PRPSAP2: variants seen among roughly 807,000 people sequenced by gnomAD.
PRPSAP2 encodes phosphoribosyl pyrophosphate synthetase associated protein 2.
In PRPSAP2, 24 loss-of-function variants were observed where a neutral mutation model predicts 40.6. The observed-to-expected ratio is 0.59, with a 90% CI of 0.43 to 0.83. The LOEUF (loss-of-function observed/expected upper bound fraction) is 0.83. Among genes scored for constraint, PRPSAP2 ranks in the 40% least tolerant of loss-of-function variants. PRPSAP2 has a pLI of 0.00. For synonymous variants in PRPSAP2, 149 were observed against 164.7 expected (o/e 0.90, Z 0.73); for missense variants, 292 against 465.6 (o/e 0.63, Z 3.43).
chr17:18,902,481 C>T (rs1457285835), intron 8 of PRPSAP2, among the ~76,000 whole-genome samples: 1 of 151,278 alleles, frequency 6.6e-6, no homozygotes, highest in Non-Finnish European at 1.5e-5. Flanking sequence ...AAGGTAGTTC[C>T]ACCAAATGTT....
intron 9 of PRPSAP2, among the ~76,000 whole-genome samples, chr17:18,918,540 T>A (rs769726639): frequency 1.3e-5 from 2 of 152,192 alleles, no homozygotes; most frequent in Non-Finnish European, 2.9e-5. Context: ...GGACTTTGAA[T>A]ACCAGTAAAT....
intron 6 of PRPSAP2, among the ~76,000 whole-genome samples, chr17:18,878,370 ACCGTGCCTG>A (rs957641828): frequency 3.9e-5 from 6 of 152,238 alleles, no homozygotes; most frequent in African/African-American, 1.4e-4. Flanking sequence ...GACATATACC[ACCGTGCCTG>A]CCTAGATAGG....
At chr17:18,870,030 G>T (rs1401733149) in intron 4 of PRPSAP2, among the ~76,000 whole-genome samples, 1 of 151,888 alleles carries the variant, frequency 6.6e-6, no homozygotes, top group Non-Finnish European at 1.5e-5. Context: ...TGTGTTGTTG[G>T]TGGAGACGGG....
At chr17:18,881,428 A>T (rs1435197709) in intron 6 of PRPSAP2, among the ~76,000 whole-genome samples, 3 of 136,160 alleles carry the variant, frequency 2.2e-5, no homozygotes, top group East Asian at 2.3e-4. Flanking sequence ...AGTAGAGATG[A>T]GGTTTCGCCA....
intron 8 of PRPSAP2, among the ~76,000 whole-genome samples, chr17:18,901,179 C>T (rs1337481889): frequency 6.6e-6 from 1 of 152,130 alleles, no homozygotes; most frequent in Admixed American, 6.5e-5. Context: ...CTAGGTTGCC[C>T]TTTTCTTAGT....
At chr17:18,873,285 C>T (rs945149801) in intron 5 of PRPSAP2, among the ~76,000 whole-genome samples, 8 of 148,166 alleles carry the variant, frequency 5.4e-5, no homozygotes, top group Non-Finnish European at 1.0e-4. Flanking sequence ...CCTCAGCTTA[C>T]CGCAACCTCT....
rs1491163051 is a variant in PRPSAP2 at position 18,885,404 on chromosome 17, A to ACAC, written c.528+2721_528+2722insCAC. 2.0e-4 allele frequency among the ~76,000 whole-genome samples: 25 copies of ACAC among 122,996 alleles called. 1 individual carries two copies. The highest frequency in any genetic ancestry group is 7.0e-4 in the East Asian group (3 of 4,272). The allele number at this position is 122,996 out of a possible 152,430, so 80.7% of individuals were successfully genotyped here. On this transcript the variant is annotated intron_variant, in intron 7 of 11. Transcript: ENST00000268835. ...GCGACAGAGTGAGATTCCTTCTCACAAAAAAAAAAAAAAAAAAAAAAAAAA... is the reference window on the plus strand; with the variant it reads ...GCGACAGAGTGAGATTCCTTCTCACACACAAAAAAAAAAAAAAAAAAAAAAAAA...
rs190213119 is a variant in PRPSAP2, at chr17:18,911,949, G to A, written c.733+698G>A. On this transcript the variant is annotated intron_variant, in intron 9 of 11. Transcript: ENST00000268835. The surrounding 1 kb of genome is among the most constrained non-coding windows in gnomAD (Gnocchi z 4.5). ...TGTAATCCCAACACTTTGGGAGGCC[G>A]AGGCGGGTGAATCACCTGAGGTCAG... Among the ~76,000 whole-genome samples the A allele has an allele frequency of 1.2e-4, 19 of 152,272 alleles. 1 individual carries two copies. Among genetic ancestry groups the A allele is most frequent in the Non-Finnish European group, 7.4e-5 (5 of 68,022 alleles).
At chr17:18,867,409 A>G in intron 4 of PRPSAP2, 75 bp downstream of exon 4, 1 of 1,492,938 alleles carries the variant, frequency 6.7e-7, no homozygotes, top group Non-Finnish European at 9.3e-7. Flanking sequence ...TTCATCCTTT[A>G]CTATTGAAAC....
At chr17:18,887,416 T>G (rs1043640133) in intron 7 of PRPSAP2, among the ~76,000 whole-genome samples, 1 of 152,018 alleles carries the variant, frequency 6.6e-6, no homozygotes, top group Non-Finnish European at 1.5e-5. Flanking sequence ...TTTTGCATTT[T>G]TAGCAGCGAG....
intron 9 of PRPSAP2, among the ~76,000 whole-genome samples, chr17:18,912,796 T>C (rs1266197470): frequency 6.6e-6 from 1 of 152,054 alleles, no homozygotes; most frequent in East Asian, 1.9e-4. Context: ...GCGTTTTGGG[T>C]AGCCAAGGTG....
At chr17:18,907,895 G>A (rs1320124414) in intron 8 of PRPSAP2, among the ~76,000 whole-genome samples, 1 of 152,192 alleles carries the variant, frequency 6.6e-6, no homozygotes, top group African/African-American at 2.4e-5. Context: ...CCAACACTTT[G>A]GGATGCCAAG....
At chr17:18,907,289 AT>A (rs1172618696) in intron 8 of PRPSAP2, among the ~76,000 whole-genome samples, 8 of 152,106 alleles carry the variant, frequency 5.3e-5, no homozygotes, top group Non-Finnish European at 1.2e-4. Context: ...AAGGCAAATA[AT>A]TTTGCCATGG....
chr17:18,898,363 T>C (rs1039903541), intron 8 of PRPSAP2, among the ~76,000 whole-genome samples: 1 of 152,204 alleles, frequency 6.6e-6, no homozygotes, highest in African/African-American at 2.4e-5. Context: ...GCTTATTATA[T>C]TTACAGGTAT....
intron 9 of PRPSAP2, among the ~76,000 whole-genome samples, chr17:18,913,599 A>AGT (rs1388587490): frequency 8.3e-6 from 1 of 121,034 alleles, no homozygotes; most frequent in African/African-American, 3.3e-5. Context: ...CCCAGGCTGG[A>AGT]GTGCAGTTGT....
chr17:18,906,415 C>T (rs1486189286), intron 8 of PRPSAP2, among the ~76,000 whole-genome samples: 12 of 152,240 alleles, frequency 7.9e-5, no homozygotes, highest in Admixed American at 6.5e-4. Flanking sequence ...AGGGTTTCAC[C>T]ATGTTGGCCA....
intron 1 of PRPSAP2, among the ~76,000 whole-genome samples, chr17:18,863,800 C>T (rs2037224024): frequency 7.0e-6 from 1 of 143,594 alleles, no homozygotes; most frequent in South Asian, 2.2e-4. Context: ...TCCCAAAGTG[C>T]TGGGATTACA....
chr17:18,923,915 G>T lies in PRPSAP2; in HGVS notation c.735G>T (p.Met245Ile). Residue 245 changes from methionine to isoleucine, a missense_variant and splice_region_variant, in exon 10 of 12, where the codon ATG becomes ATT. Met to Ile is a conservative substitution (Grantham distance 10). Around this residue, in one of 2 missense-constraint regions of PRPSAP2, gnomAD observed 241 missense variants for 425.7 expected, o/e 0.57. Coordinates refer to ENST00000268835, the MANE Select transcript of PRPSAP2 (RefSeq NM_002767.4). ...GTGTGTGTGTTTTATTCCAACCAGT[G>T]CTGATTCCTAAAGAAAAGCCCCCAA... ...AAIHPSLEIPMLIPKEKPPIT... is the reference protein window; with the variant it reads ...AAIHPSLEIPILIPKEKPPIT... 6.2e-7 allele frequency: 1 copy of T among 1,613,252 alleles called. No homozygotes were observed. Among genetic ancestry groups the T allele is most frequent in the Non-Finnish European group, 8.5e-7 (1 of 1,179,358 alleles).
intron 6 of PRPSAP2, among the ~76,000 whole-genome samples, chr17:18,880,192 G>C (rs981873701): frequency 3.1e-4 from 47 of 152,226 alleles, no homozygotes; most frequent in African/African-American, 9.9e-4. Context: ...GAGGAGAGCA[G>C]GCTTGCCTGC....
Sources: gnomAD v4.1 joint callset for allele counts (sites outside exome capture counted in the v4.1 genomes callset) on GRCh38, gnomAD v4.1.1 for gene constraint, gnomAD v4.1.1 regional missense constraint, Gnocchi (gnomAD v3.1) non-coding constraint, MANE v1.5 for transcripts, NCBI Gene and HGNC (gene_info 2026-07-23, HGNC 2026-07-21) for gene names.